Variants in IRF2 observed in about 807,000 individuals in gnomAD.
The protein encoded by IRF2 is interferon regulatory factor 2.
A neutral mutation model predicts 40.6 loss-of-function variants in IRF2; 15 were observed. The ratio of observed to expected loss-of-function variants is 0.37; its 90% confidence interval spans 0.25 to 0.57. The LOEUF (loss-of-function observed/expected upper bound fraction) is 0.57, where lower values mean the gene tolerates loss of function less well. IRF2 is among the 20% of genes least tolerant of loss of function. The pLI is 0.77. For synonymous variants in IRF2, 151 were observed against 165.5 expected (o/e 0.91, Z 0.67); for missense variants, 317 against 455.7 (o/e 0.70, Z 2.77).
chr4:184,426,078 G>C (rs747934814), intron 2 of IRF2, among the ~76,000 whole-genome samples: 2 of 151,860 alleles, frequency 1.3e-5, no homozygotes, highest in Admixed American at 6.6e-5. Context: ...CTCAGCTCAC[G>C]CAACCTCCAC....
intron 6 of IRF2, among the ~76,000 whole-genome samples, chr4:184,399,531 C>T (rs1209099652): frequency 6.6e-6 from 1 of 152,216 alleles, no homozygotes; most frequent in Non-Finnish European, 1.5e-5. Flanking sequence ...CATTATCAAA[C>T]CTTACTAAAG....
At chr4:184,467,303 C>T (rs1395658523) in intron 1 of IRF2, among the ~76,000 whole-genome samples, 1 of 152,196 alleles carries the variant, frequency 6.6e-6, no homozygotes, top group Non-Finnish European at 1.5e-5. Flanking sequence ...GCCTGATTGT[C>T]TCTTCACTCT....
chr4:184,427,321 T>A (rs71622959), intron 2 of IRF2, among the ~76,000 whole-genome samples: 7,981 of 152,278 alleles, frequency 0.052, 299 homozygotes, highest in Non-Finnish European at 0.073. Flanking sequence ...TCACCTTGTT[T>A]CAGAAAGGCT....
Position 184,418,697 on chromosome 4 carries a change from G to A in IRF2, c.199C>T (p.Pro67Ser), listed in dbSNP as rs760988459. ...NWAIHTGKHQ[P>S]GVDKPDPKTW... ...TTGGGATCAGGTTTATCTACTCCTG[G>A]TTGATGCTTTCCTAACAAAAGAGAC... Residue 67 changes from proline to serine, a missense_variant, in exon 4 of 9, where the codon CCA (proline) becomes TCA (serine). Around this residue, in one of 2 missense-constraint regions of IRF2, gnomAD observed 55 missense variants for 121.7 expected, o/e 0.45. Coordinates refer to ENST00000393593, the MANE Select transcript of IRF2 (RefSeq NM_002199.4). 6.2e-7 allele frequency: 1 copy of A among 1,613,194 alleles called. No individual in the cohort carries two copies. The highest frequency in any genetic ancestry group is 2.2e-5 in the East Asian group (1 of 44,878).
At chr4:184,416,774 C>T (rs189343068) in intron 5 of IRF2, among the ~76,000 whole-genome samples, 84 of 152,222 alleles carry the variant, frequency 5.5e-4, no homozygotes, top group Non-Finnish European at 1.0e-3. Flanking sequence ...GGCCGAGTGC[C>T]GTGGCTCACG....
At chr4:184,420,868 GATA>G (rs1490797221) in intron 2 of IRF2, among the ~76,000 whole-genome samples, 1 of 152,216 alleles carries the variant, frequency 6.6e-6, no homozygotes, top group Non-Finnish European at 1.5e-5. Flanking sequence ...GAACTTGCAG[GATA>G]ATAAGTGTCT....
At chr4:184,447,538 A>G (rs1738558130) in intron 1 of IRF2, among the ~76,000 whole-genome samples, 1 of 152,248 alleles carries the variant, frequency 6.6e-6, no homozygotes, top group Admixed American at 6.5e-5. Context: ...CATAGCCTCA[A>G]AAATACCTCC....
chr4:184,419,733 G>A lies in IRF2; in HGVS notation c.88-165C>T, dbSNP rs184970344. Among the ~76,000 whole-genome samples, 35 of 152,248 alleles carry A rather than the reference G, an allele frequency of 2.3e-4. No individual in the cohort carries two copies. The East Asian group carries it at 3.1e-3, about 13-fold the overall frequency. On this transcript the variant is annotated intron_variant, in intron 2 of 8. Coordinates refer to ENST00000393593, the MANE Select transcript of IRF2 (RefSeq NM_002199.4). ...ACTGTAAACCAAACCCACTTCCCCCGCTGGATCCCAAATCTTGATAGACTA... is the reference window on the plus strand; with the variant it reads ...ACTGTAAACCAAACCCACTTCCCCCACTGGATCCCAAATCTTGATAGACTA...
chr4:184,404,917 C>T (rs937399721), intron 6 of IRF2, among the ~76,000 whole-genome samples: 3 of 152,166 alleles, frequency 2.0e-5, no homozygotes, highest in African/African-American at 7.2e-5. Flanking sequence ...CAGGCTACTA[C>T]ACGAAGGGAA....
chr4:184,468,560 G>A (rs1203972026), intron 1 of IRF2, among the ~76,000 whole-genome samples: 1 of 152,168 alleles, frequency 6.6e-6, no homozygotes, highest in Non-Finnish European at 1.5e-5. Flanking sequence ...TGGCAAGCAA[G>A]GGCAAGTGGG....
At chr4:184,397,952 T>G (rs1736527288) in intron 7 of IRF2, among the ~76,000 whole-genome samples, 2 of 152,184 alleles carry the variant, frequency 1.3e-5, no homozygotes, top group Admixed American at 6.5e-5. Flanking sequence ...TTCCTCCCCC[T>G]GTGACTCTGC....
In IRF2 at chr4:184,459,582, T is replaced by C. The variant is rs115420698; in HGVS notation, c.-7+14797A>G. 8.7e-3 allele frequency among the ~76,000 whole-genome samples: 1,319 copies of C among 152,300 alleles called. 31 individuals carry two copies. Among genetic ancestry groups the C allele is most frequent in the African/African-American group, 0.03 (1,229 of 41,570 alleles). ...ACTTTTTGCCACATGCTACATATAC[T>C]GTAATGGGGAGAAGCTTAGTTTTTC... On this transcript the variant is annotated intron_variant, in intron 1 of 8. Coordinates refer to ENST00000393593, the MANE Select transcript of IRF2 (RefSeq NM_002199.4).
intron 1 of IRF2, among the ~76,000 whole-genome samples, chr4:184,452,553 T>C (rs1738753281): frequency 6.6e-6 from 1 of 152,072 alleles, no homozygotes; most frequent in African/African-American, 2.4e-5. Context: ...TAGCTGTGAC[T>C]TTGGGCAGGT....
At chr4:184,437,828 G>A (rs1244479224) in intron 1 of IRF2, among the ~76,000 whole-genome samples, 9 of 77,448 alleles carry the variant, frequency 1.2e-4, no homozygotes, top group African/African-American at 3.6e-4. Context: ...CTATTGGAAC[G>A]TACAAAAAAA....
intron 1 of IRF2, among the ~76,000 whole-genome samples, chr4:184,438,320 A>T (rs538701043): frequency 2.0e-4 from 30 of 152,340 alleles, no homozygotes; most frequent in African/African-American, 7.2e-4. Context: ...AGTCTCTGCT[A>T]ACAACCCACC....
chr4:184,456,763 C>T (rs1293267106), intron 1 of IRF2, among the ~76,000 whole-genome samples: 1 of 152,256 alleles, frequency 6.6e-6, no homozygotes, highest in Non-Finnish European at 1.5e-5. Context: ...TCAGCCAACA[C>T]GTACTGAGGG....
intron 1 of IRF2, among the ~76,000 whole-genome samples, chr4:184,438,675 G>A (rs1459656526): frequency 6.6e-6 from 1 of 152,184 alleles, no homozygotes; most frequent in East Asian, 1.9e-4. Context: ...GGGATCACAG[G>A]CGTGAGCCCC....
intron 1 of IRF2, among the ~76,000 whole-genome samples, chr4:184,446,203 T>C (rs1209610740): frequency 6.6e-6 from 1 of 152,202 alleles, no homozygotes; most frequent in African/African-American, 2.4e-5. Flanking sequence ...AGGGAATAAA[T>C]TTCTGTTGTT....
At chr4:184,452,770 C>CAAAAAAAAAAAAAAAAAAAAAAA (rs530415114) in intron 1 of IRF2, among the ~76,000 whole-genome samples, 6 of 53,824 alleles carry the variant, frequency 1.1e-4, no homozygotes, top group African/African-American at 2.4e-4. Flanking sequence ...GACCCTGTCT[C>CAAAAAAAAAAAAAAAAAAAAAAA]AAAAAAAAAA....
Sources: gnomAD v4.1 joint callset for allele counts (sites outside exome capture counted in the v4.1 genomes callset) on GRCh38, gnomAD v4.1.1 for gene constraint, gnomAD v4.1.1 regional missense constraint, MANE v1.5 for transcripts, NCBI Gene and HGNC (gene_info 2026-07-23, HGNC 2026-07-21) for gene names.